The following ATP2A1 variants were observed in gnomAD, a reference collection of about 807,000 sequenced individuals.
ATP2A1 encodes the protein ATPase sarcoplasmic/endoplasmic reticulum Ca2+ transporting 1, also known as sarcoplasmic/endoplasmic reticulum calcium ATPase 1.
A neutral mutation model predicts 109.5 loss-of-function variants in ATP2A1; 83 were observed. The observed-to-expected ratio is 0.76, with a 90% CI of 0.63 to 0.91. The LOEUF (loss-of-function observed/expected upper bound fraction) is 0.91, where lower values mean the gene tolerates loss of function less well. Ranked by LOEUF, ATP2A1 falls within the 40% of genes least tolerant of loss-of-function variation. The pLI, the probability that ATP2A1 is intolerant of heterozygous loss-of-function variation, is 0.00. For missense variants in ATP2A1, 1,101 were observed against 1,341.0 expected (o/e 0.82, Z 2.80); for synonymous variants, 505 against 537.6 (o/e 0.94, Z 0.84).
In ATP2A1 at chr16:28,882,677, G is replaced by C. The variant is rs1288983340; in HGVS notation, c.463+88G>C. 4 of 1,563,078 alleles carry C rather than the reference G, an allele frequency of 2.6e-6. No homozygotes were observed. In the South Asian group the frequency reaches 4.6e-5, roughly 18 times the overall value. On this transcript the variant is annotated intron_variant, in intron 5 of 22. Transcript: ENST00000395503. ...GGGGGCTGGTCAGGCTCGGATCCAG[G>C]TGTCCAGGAGGATGACGGAGTCTGC...
At chr16:28,896,759 C>T (rs1963929941) in intron 12 of ATP2A1, among the ~76,000 whole-genome samples, 1 of 148,708 alleles carries the variant, frequency 6.7e-6, no homozygotes. Flanking sequence ...CTCTTGTTGC[C>T]CAGGCTGGAG....
In ATP2A1 at chr16:28,904,228, C is replaced by G; in HGVS notation, c.*86C>G. ...TGAGCATCCTTTTGCTCTGTCCTCC[C>G]CACCCCGATAGTGACACATCTTCAG... On this transcript the variant is annotated 3_prime_UTR_variant, in exon 23 of 23. Transcript: ENST00000395503. The G allele has an allele frequency of 6.2e-7, 1 of 1,613,772 alleles. No homozygotes were observed. Among genetic ancestry groups the G allele is most frequent in the Non-Finnish European group, 8.5e-7 (1 of 1,179,804 alleles).
At chr16:28,884,941 C>T (rs1158797305) in intron 6 of ATP2A1, among the ~76,000 whole-genome samples, 1 of 151,946 alleles carries the variant, frequency 6.6e-6, no homozygotes, top group Non-Finnish European at 1.5e-5. Flanking sequence ...CTGTCTCTGT[C>T]AAAATAAAAA....
rs1051417985 is a variant in ATP2A1, at chr16:28,879,387, G to C, written c.137-114G>C. 2.2e-5 allele frequency: 23 copies of C among 1,056,252 alleles called. No homozygotes were observed. In the African/African-American group the frequency reaches 3.1e-4, roughly 14 times the overall value. 65.4% of individuals were successfully genotyped at this position (1,056,252 alleles called of 1,614,324 possible). ...TTAGCCCTTCTCTGGGCACCAAGCT[G>C]TCTGCCCACCACCCTAGAGCCTCCC... On this transcript the variant is annotated intron_variant, in intron 2 of 22. Transcript: ENST00000395503.
At chr16:28,884,312 A>G (rs1475977144) in intron 5 of ATP2A1, among the ~76,000 whole-genome samples, 1 of 152,076 alleles carries the variant, frequency 6.6e-6, no homozygotes, top group African/African-American at 2.4e-5. Context: ...GCCAGTGGGA[A>G]GAGATGTGGG....
rs1456301169 is a variant in ATP2A1, at chr16:28,883,121, C to T, written c.463+532C>T. Among the ~76,000 whole-genome samples, 7 of 152,202 alleles carry T rather than the reference C, an allele frequency of 4.6e-5. No individual in the cohort carries two copies. The highest frequency in any genetic ancestry group is 1.2e-4 in the African/African-American group (5 of 41,454). Reference sequence around the variant, plus strand: ...GGGAGCTCAAGGAGGGCCCCGCCCGCGGCAAGGGACACTTAATGCCTGGCC... The same window carrying T: ...GGGAGCTCAAGGAGGGCCCCGCCCGTGGCAAGGGACACTTAATGCCTGGCC... On this transcript the variant is annotated intron_variant, in intron 5 of 22. Coordinates refer to ENST00000395503, the MANE Select transcript of ATP2A1 (RefSeq NM_004320.6). This position sits in a 1 kb window ranked among gnomAD's most constrained non-coding sequence, Gnocchi z 5.2.
intron 5 of ATP2A1, among the ~76,000 whole-genome samples, chr16:28,884,131 T>C (rs892800332): frequency 1.3e-5 from 2 of 152,186 alleles, no homozygotes; most frequent in African/African-American, 2.4e-5. Context: ...CTGAGTTCTT[T>C]CCTTGCCTTT....
intron 5 of ATP2A1, 63 bp downstream of exon 5, chr16:28,882,652 G>A (rs906489663): frequency 6.3e-5 from 101 of 1,597,708 alleles, no homozygotes; most frequent in Non-Finnish European, 7.7e-5. Context: ...AGGAGATGCC[G>A]GGGGCTGGTC....
Position 28,880,131 on chromosome 16 carries a change from A to G in ATP2A1, c.219+548A>G. 1 of 995,652 alleles carries G rather than the reference A, an allele frequency of 1.0e-6. No homozygotes were observed. The highest frequency in any genetic ancestry group is 1.2e-6 in the Non-Finnish European group (1 of 838,098). The allele number at this position is 995,652 out of a possible 1,614,324, so 61.7% of individuals were successfully genotyped here. A position where few individuals can be genotyped will look rare whatever the true frequency, so the allele number is the denominator to read the frequency against. ...CACTGGCATCCCTCATTACCCGCCCAGCCTGGCCTTAGCCCTTCCCCGCGC... is the reference window on the plus strand; with the variant it reads ...CACTGGCATCCCTCATTACCCGCCCGGCCTGGCCTTAGCCCTTCCCCGCGC... On this transcript the variant is annotated intron_variant, in intron 3 of 22. Coordinates refer to ENST00000395503, the MANE Select transcript of ATP2A1 (RefSeq NM_004320.6). This position sits in a 1 kb window ranked among gnomAD's most constrained non-coding sequence, Gnocchi z 4.2.
At position 28,898,382 on chromosome 16, in the gene ATP2A1, C is replaced by T. The variant is rs767669406; in HGVS notation, c.1695C>T (p.Ala565=). 4 of 1,614,186 alleles carry T rather than the reference C, an allele frequency of 2.5e-6. No homozygotes were observed. Among genetic ancestry groups the T allele is most frequent in the Non-Finnish European group, 2.5e-6 (3 of 1,180,038 alleles). ...GRDTLRCLAL[A]TRDTPPKREE... ...ACACCCTGCGCTGCTTGGCCCTGGCCACCCGGGACACCCCCCCGAAGCGAG... is the reference window on the plus strand; with the variant it reads ...ACACCCTGCGCTGCTTGGCCCTGGCTACCCGGGACACCCCCCCGAAGCGAG... Residue 565 remains alanine, a synonymous_variant, in exon 14 of 23, where the codon GCC becomes GCT. Coordinates refer to ENST00000395503, the MANE Select transcript of ATP2A1 (RefSeq NM_004320.6). The surrounding 1 kb of genome is among the most constrained non-coding windows in gnomAD (Gnocchi z 4.0).
chr16:28,881,129 C>T (rs891864700), intron 4 of ATP2A1, 110 bp downstream of exon 4: 1 of 1,092,912 alleles, frequency 9.1e-7, no homozygotes, highest in African/African-American at 1.5e-5. Context: ...GCCTCTTCCT[C>T]TGGTCCTATC....
At chr16:28,892,922 T>TAC (rs1567485769) in intron 9 of ATP2A1, among the ~76,000 whole-genome samples, 3 of 151,944 alleles carry the variant, frequency 2.0e-5, no homozygotes, top group Non-Finnish European at 4.4e-5. Context: ...CGTATGCCTG[T>TAC]ACTCCCAGCT....
In ATP2A1 at chr16:28,902,115, C is replaced by G; in HGVS notation, c.2321+32C>G. 1 of 1,613,974 alleles carries G rather than the reference C, an allele frequency of 6.2e-7. No individual in the cohort carries two copies. The highest frequency in any genetic ancestry group is 1.7e-5 in the Admixed American group (1 of 60,016). ...AGCTGGGTGGGCGTCCAGGAGGAAGCCGGGGTTAGGGTGGGGTGGCTGCAG... is the reference window on the plus strand; with the variant it reads ...AGCTGGGTGGGCGTCCAGGAGGAAGGCGGGGTTAGGGTGGGGTGGCTGCAG... On this transcript the variant is annotated intron_variant, in intron 16 of 22. Coordinates refer to ENST00000395503, the MANE Select transcript of ATP2A1 (RefSeq NM_004320.6). This position sits in a 1 kb window ranked among gnomAD's most constrained non-coding sequence, Gnocchi z 4.8.
chr16:28,888,048 G>T (rs564207642), intron 8 of ATP2A1, among the ~76,000 whole-genome samples: 2 of 152,150 alleles, frequency 1.3e-5, no homozygotes, highest in Admixed American at 6.6e-5. Flanking sequence ...TGATCTGCCC[G>T]CCTTGGCCTC....
intron 8 of ATP2A1, among the ~76,000 whole-genome samples, chr16:28,888,175 G>GGT (rs1963673245): frequency 6.6e-6 from 1 of 151,996 alleles, no homozygotes; most frequent in African/African-American, 2.4e-5. Context: ...TGGGATTACA[G>GGT]GTGCACGCCA....
intron 14 of ATP2A1, among the ~76,000 whole-genome samples, chr16:28,899,730 C>T (rs975118785): frequency 2.1e-5 from 3 of 140,420 alleles, no homozygotes; most frequent in African/African-American, 7.9e-5. Flanking sequence ...GGAGGCCAAG[C>T]CTGGCAGATC....
chr16:28,895,214 G>A (rs551081475), intron 12 of ATP2A1, among the ~76,000 whole-genome samples: 13 of 152,360 alleles, frequency 8.5e-5, no homozygotes, highest in South Asian at 2.1e-4. Context: ...AGCTGGACAC[G>A]GAAACCACAA....
At chr16:28,884,946 TA>T (rs1963578765) in intron 6 of ATP2A1, among the ~76,000 whole-genome samples, 1 of 151,704 alleles carries the variant, frequency 6.6e-6, no homozygotes, top group South Asian at 2.1e-4. Context: ...TCTGTCAAAA[TA>T]AAAACAAAAG....
Position 28,898,757 on chromosome 16 carries a change from T to TG in ATP2A1, c.1764+306_1764+307insG, listed in dbSNP as rs1484019869. 6.6e-6 allele frequency among the ~76,000 whole-genome samples: 1 copy of TG among 151,706 alleles called. No homozygotes were observed. Among genetic ancestry groups the TG allele is most frequent in the African/African-American group, 2.4e-5 (1 of 41,278 alleles). On this transcript the variant is annotated intron_variant, in intron 14 of 22. Coordinates refer to ENST00000395503, the MANE Select transcript of ATP2A1 (RefSeq NM_004320.6). The surrounding 1 kb of genome is among the most constrained non-coding windows in gnomAD (Gnocchi z 4.0). The stretch of plus-strand genomic sequence containing the variant: ...CCATCTCTATTAAAAAAAAAATTTT[T>TG]TTAATTACCTGGTTAAATTCATAGG...
Sources: gnomAD v4.1 joint callset for allele counts (sites outside exome capture counted in the v4.1 genomes callset) on GRCh38, gnomAD v4.1.1 for gene constraint, Gnocchi (gnomAD v3.1) non-coding constraint, MANE v1.5 for transcripts, NCBI Gene and HGNC (gene_info 2026-07-23, HGNC 2026-07-21) for gene names.